SBNO1: variants seen among roughly 807,000 people sequenced by gnomAD.
The protein encoded by SBNO1 is strawberry notch homolog 1, also known as protein strawberry notch homolog 1.
Under a neutral mutation model 173.6 loss-of-function variants are expected in SBNO1, and 23 were observed. That is an observed-to-expected ratio of 0.13 (90% CI 0.10 to 0.19). The LOEUF is 0.19. SBNO1 is among the 10% of genes least tolerant of loss of function. The pLI, the probability that SBNO1 is intolerant of heterozygous loss-of-function variation, is 1.00. For missense variants in SBNO1, 1,238 were observed against 1,671.2 expected (o/e 0.74, Z 4.52); for synonymous variants, 632 against 571.5 (o/e 1.11, Z -1.51).
chr12:123,349,937 G>GT (rs1202590676), intron 2 of SBNO1, among the ~76,000 whole-genome samples: 1 of 151,424 alleles, frequency 6.6e-6, no homozygotes, highest in African/African-American at 2.4e-5. Context: ...ATTAACACAT[G>GT]TATTTAAAAT....
intron 30 of SBNO1, among the ~76,000 whole-genome samples, chr12:123,302,231 C>CAAGTT (rs1393298899): frequency 6.7e-6 from 1 of 149,254 alleles, no homozygotes; most frequent in African/African-American, 2.5e-5. Flanking sequence ...CCACACCTGG[C>CAAGTT]CTTATTGTTT....
intron 1 of SBNO1, among the ~76,000 whole-genome samples, chr12:123,355,896 T>G (rs1275815929): frequency 1.3e-5 from 2 of 152,044 alleles, no homozygotes; most frequent in Admixed American, 1.3e-4. Flanking sequence ...AGAGAAAAAC[T>G]AAGAGCTAGT....
intron 13 of SBNO1, 56 bp downstream of exon 13, chr12:123,327,370 C>T (rs1375378319): frequency 1.3e-6 from 2 of 1,482,160 alleles, no homozygotes; most frequent in African/African-American, 2.8e-5. Context: ...CCAAAACTAA[C>T]AGAAACATTA....
intron 28 of SBNO1, among the ~76,000 whole-genome samples, chr12:123,305,278 C>A (rs1032676522): frequency 1.3e-5 from 2 of 152,192 alleles, no homozygotes; most frequent in African/African-American, 4.8e-5. Flanking sequence ...TTGTCTACTC[C>A]GTCAGTACTG....
intron 30 of SBNO1, among the ~76,000 whole-genome samples, chr12:123,298,410 TTTG>T (rs528630058): frequency 1.0e-3 from 153 of 152,002 alleles, no homozygotes; most frequent in African/African-American, 3.5e-3. Context: ...GGGACTTTTT[TTTG>T]TTGTTGTTGT....
At chr12:123,348,217 A>T in intron 2 of SBNO1, 84 bp from the exon 3 acceptor site, 1 of 699,212 alleles carries the variant, frequency 1.4e-6, no homozygotes, top group Non-Finnish European at 2.5e-6. Flanking sequence ...TTATTAAAAA[A>T]TATCAAGTTT....
chr12:123,334,317 A>G (rs1391485037), intron 6 of SBNO1, 104 bp from the exon 7 acceptor site: 10 of 737,842 alleles, frequency 1.4e-5, no homozygotes, highest in Non-Finnish European at 2.2e-5. Flanking sequence ...ATAGAAAAAT[A>G]ATTAAAAAGT....
chr12:123,311,583 A>T (rs1868506832), intron 24 of SBNO1, among the ~76,000 whole-genome samples: 1 of 150,568 alleles, frequency 6.6e-6, no homozygotes, highest in Non-Finnish European at 1.5e-5. Flanking sequence ...TCAAACTCCT[A>T]ACCTCCGGAG....
In SBNO1 at chr12:123,313,637, G is replaced by C; in HGVS notation, c.3203C>G (p.Pro1068Arg). 6.3e-7 allele frequency: 1 copy of C among 1,576,782 alleles called. No individual in the cohort carries two copies. Among genetic ancestry groups the C allele is most frequent in the Non-Finnish European group, 8.7e-7 (1 of 1,148,678 alleles). Reference sequence around the variant, plus strand: ...GAAGTTACCTTTAAAAAATTCTCCAGGATAGTCTGGAGGTGGTGATACCAT... The same window carrying C: ...GAAGTTACCTTTAAAAAATTCTCCACGATAGTCTGGAGGTGGTGATACCAT... ...SPMVSPPPDYPGEFFKDVRQG... is the reference protein window; with the variant it reads ...SPMVSPPPDYRGEFFKDVRQG... The change falls in exon 24 of 32, where the codon CCT becomes CGT. Residue 1068 changes from proline to arginine, a missense_variant. This residue lies in a region of SBNO1 where 351 missense variants were observed against 420.3 expected (regional missense o/e 0.84). Transcript: ENST00000602398.
chr12:123,326,698 G>A (rs1870644145), intron 13 of SBNO1, among the ~76,000 whole-genome samples: 1 of 152,206 alleles, frequency 6.6e-6, no homozygotes, highest in Admixed American at 6.5e-5. Flanking sequence ...GGCTGAGGCA[G>A]GTGGATTGCT....
rs1205192325 is a variant in SBNO1, at chr12:123,304,662, G to C, written c.3688C>G (p.Leu1230Val). The C allele has an allele frequency of 2.5e-6, 4 of 1,569,984 alleles. No individual in the cohort carries two copies. The highest frequency in any genetic ancestry group is 3.5e-6 in the Non-Finnish European group (4 of 1,141,966). The change falls in exon 29 of 32, where the codon CTT (leucine) becomes GTT (valine). Residue 1230 changes from leucine to valine, a missense_variant. Physicochemically the swap from Leu to Val is conservative, Grantham distance 32. This residue lies in a region of SBNO1 where 351 missense variants were observed against 420.3 expected (regional missense o/e 0.84). Transcript: ENST00000602398. ...GTATTTGGTCGATAAACTAAGAAAA[G>C]TTTCTTTTTAGGATTCACTTCTTTA... is the stretch of plus-strand genomic sequence containing the variant. Reference protein sequence around the residue: ...LVKEVNPKKKLFLVYRPNTGK... With the variant: ...LVKEVNPKKKVFLVYRPNTGK...
intron 30 of SBNO1, among the ~76,000 whole-genome samples, chr12:123,302,587 T>C (rs2048824591): frequency 6.6e-6 from 1 of 152,182 alleles, no homozygotes; most frequent in African/African-American, 2.4e-5. Context: ...GTTAAGGTCA[T>C]GCTGCCAGAC....
chr12:123,354,299 A>G (rs892218541), intron 1 of SBNO1, among the ~76,000 whole-genome samples: 10 of 152,188 alleles, frequency 6.6e-5, no homozygotes, highest in African/African-American at 2.4e-4. Flanking sequence ...AAAATAAGTA[A>G]CAATTTAAGA....
At chr12:123,305,614 C>T (rs1331935973) in intron 28 of SBNO1, among the ~76,000 whole-genome samples, 1 of 152,092 alleles carries the variant, frequency 6.6e-6, no homozygotes, top group Non-Finnish European at 1.5e-5. Flanking sequence ...GCTGGGACTA[C>T]AGGTACTCAC....
chr12:123,358,994 G>A (rs1025978770), intron 1 of SBNO1, among the ~76,000 whole-genome samples: 1 of 151,510 alleles, frequency 6.6e-6, no homozygotes, highest in Non-Finnish European at 1.5e-5. Context: ...GGGCAGAGGC[G>A]AGATCTTGGC....
intron 1 of SBNO1, among the ~76,000 whole-genome samples, chr12:123,356,478 C>A (rs986952624): frequency 6.6e-6 from 1 of 152,190 alleles, no homozygotes; most frequent in Admixed American, 6.5e-5. Context: ...TTCTGTCACC[C>A]AAGCTGGAGT....
chr12:123,326,434 A>G (rs1870617195), intron 13 of SBNO1, 100 bp from the exon 14 acceptor site: 2 of 616,542 alleles, frequency 3.2e-6, no homozygotes, highest in African/African-American at 1.8e-5. Flanking sequence ...AGACCATTTA[A>G]TATTAATTTA....
chr12:123,304,474 G>A, intron 29 of SBNO1, 108 bp downstream of exon 29: 1 of 799,954 alleles, frequency 1.3e-6, no homozygotes, highest in East Asian at 2.9e-5. Flanking sequence ...GACCTCAGGT[G>A]ATCTGCCCAC....
At chr12:123,354,569 T>C (rs1194249150) in intron 1 of SBNO1, among the ~76,000 whole-genome samples, 1 of 152,200 alleles carries the variant, frequency 6.6e-6, no homozygotes, top group Non-Finnish European at 1.5e-5. Context: ...TGTAATTATA[T>C]TTCTATTCAG....
Sources: gnomAD v4.1 joint callset for allele counts (sites outside exome capture counted in the v4.1 genomes callset) on GRCh38, gnomAD v4.1.1 for gene constraint, gnomAD v4.1.1 regional missense constraint, MANE v1.5 for transcripts, NCBI Gene and HGNC (gene_info 2026-07-23, HGNC 2026-07-21) for gene names.